The following DARS1 variants were observed in gnomAD, a reference collection of about 807,000 sequenced individuals.
DARS1 encodes aspartate--tRNA ligase, cytoplasmic.
A neutral mutation model predicts 68.8 loss-of-function variants in DARS1; 51 were observed. The observed-to-expected ratio is 0.74, with a 90% CI of 0.59 to 0.94. The LOEUF is 0.94. DARS1 is among the 40% of genes least tolerant of loss of function. The pLI is 0.00. For synonymous variants in DARS1, 203 were observed against 190.4 expected, an observed-to-expected ratio of 1.07 and a Z score of -0.55; for missense variants, 607 against 597.3, an observed-to-expected ratio of 1.02 and a Z score of -0.17.
chr2:135,927,742 A>C (rs1386346260), intron 7 of DARS1, among the ~76,000 whole-genome samples: 1 of 152,196 alleles, frequency 6.6e-6, no homozygotes, highest in African/African-American at 2.4e-5. Context: ...TTAATTTTAG[A>C]AAAGCAAAAC....
rs775542117 is a variant in DARS1 at position 135,911,363 on chromosome 2, A to G, written c.1342+19T>C. 2 of 882,892 alleles carry G rather than the reference A, an allele frequency of 2.3e-6. No homozygotes were observed. Among genetic ancestry groups the G allele is most frequent in the East Asian group, 2.4e-5 (1 of 41,670 alleles). 54.7% of individuals were successfully genotyped at this position (882,892 alleles called of 1,614,324 possible). On this transcript the variant is annotated intron_variant, in intron 14 of 15. Coordinates refer to ENST00000264161, the MANE Select transcript of DARS1 (RefSeq NM_001349.4). ...ATTTTCAGAATATACACTCCCCTAA[A>G]TTATTTTAAGTTGTTTACCAATTCC...
intron 3 of DARS1, among the ~76,000 whole-genome samples, chr2:135,977,933 G>A (rs181421170): frequency 6.6e-6 from 1 of 151,764 alleles, no homozygotes; most frequent in African/African-American, 2.4e-5. Context: ...ACCTGAGGTC[G>A]GGAGTTCAAG....
Position 135,907,307 on chromosome 2 carries a change from AGT to A in DARS1, c.*7_*8del. The A allele has an allele frequency of 6.5e-7, 1 of 1,549,386 alleles. No individual in the cohort carries two copies. Among genetic ancestry groups the A allele is most frequent in the Non-Finnish European group, 8.8e-7 (1 of 1,140,732 alleles). On this transcript the variant is annotated 3_prime_UTR_variant, in exon 16 of 16. Transcript: ENST00000264161. Reference sequence around the variant, plus strand: ...CATCCACACTGGAGTTAAGTGGCAAAGTGTGAATTTAAGGAGTGAGTCGTTTG... The same window carrying A: ...CATCCACACTGGAGTTAAGTGGCAAAGTGAATTTAAGGAGTGAGTCGTTTG...
At chr2:135,913,042 A>AT (rs1398423248) in intron 12 of DARS1, among the ~76,000 whole-genome samples, 1 of 142,874 alleles carries the variant, frequency 7.0e-6, no homozygotes, top group Non-Finnish European at 1.5e-5. Flanking sequence ...TTAAATATTC[A>AT]TTTTTTTCCT....
chr2:135,974,931 C>A (rs1252539026), intron 3 of DARS1, among the ~76,000 whole-genome samples: 1 of 151,960 alleles, frequency 6.6e-6, no homozygotes, highest in African/African-American at 2.4e-5. Context: ...TTTAATCTAA[C>A]CAATGACTGA....
chr2:135,940,199 T>C (rs201197603), intron 5 of DARS1, among the ~76,000 whole-genome samples: 4,371 of 151,758 alleles, frequency 0.029, 78 homozygotes, highest in East Asian at 0.06. Flanking sequence ...GGCAGAGACA[T>C]AACAAAAAAA....
At chr2:135,947,834 A>C (rs188391789) in intron 4 of DARS1, among the ~76,000 whole-genome samples, 10 of 152,064 alleles carry the variant, frequency 6.6e-5, no homozygotes, top group Admixed American at 5.2e-4. Context: ...AAAAAAAAAA[A>C]AACAAAAAAA....
chr2:135,932,852 A>G lies in DARS1; in HGVS notation c.505-10T>C, dbSNP rs1670815575. 3 of 1,191,052 alleles carry G rather than the reference A, an allele frequency of 2.5e-6. No individual in the cohort carries two copies. Among genetic ancestry groups the G allele is most frequent in the Admixed American group, 2.0e-5 (1 of 50,316 alleles). 73.8% of individuals were successfully genotyped at this position (1,191,052 alleles called of 1,614,324 possible). ...CAGTAGCTCTTCCTTCCTAAAAAAA[A>G]AAAAAAAGAAAAGAAAAAAATAAAT... On this transcript the variant is annotated splice_polypyrimidine_tract_variant and intron_variant, in intron 6 of 15. Transcript: ENST00000264161.
intron 3 of DARS1, among the ~76,000 whole-genome samples, chr2:135,967,853 G>A (rs530320705): frequency 1.3e-5 from 2 of 152,182 alleles, no homozygotes; most frequent in South Asian, 2.1e-4. Flanking sequence ...GCACACAAAC[G>A]ATCCCAAGTA....
At chr2:135,978,142 CAAAAAAA>C (rs59505882) in intron 3 of DARS1, among the ~76,000 whole-genome samples, 5 of 54,736 alleles carry the variant, frequency 9.1e-5, no homozygotes, top group South Asian at 1.3e-3. Context: ...GACTCTGTCT[CAAAAAAA>C]AAAAAAAAAA....
intron 4 of DARS1, among the ~76,000 whole-genome samples, chr2:135,955,673 CTT>C (rs75123258): frequency 0.012 from 729 of 61,078 alleles, no homozygotes; most frequent in East Asian, 0.11. Context: ...AAATAAAAAT[CTT>C]TTTTTTTTTT....
intron 3 of DARS1, among the ~76,000 whole-genome samples, chr2:135,972,618 A>C (rs892870058): frequency 1.3e-5 from 2 of 152,182 alleles, no homozygotes; most frequent in Non-Finnish European, 2.9e-5. Flanking sequence ...TAAAGGTAAC[A>C]ATCAACAAAG....
intron 3 of DARS1, among the ~76,000 whole-genome samples, chr2:135,962,116 A>T (rs1338530256): frequency 6.6e-6 from 1 of 151,138 alleles, no homozygotes; most frequent in African/African-American, 2.4e-5. Flanking sequence ...ATTTTTTTTT[A>T]CTCCAAATAA....
rs770508609 is a variant in DARS1, at chr2:135,916,293, C to T, written c.1039G>A (p.Glu347Lys). ...FKFLEPTLRL[E>K]YCEALAMLRE... ...AGCATAGCCAATGCTTCACAATATTCTAGTCTTAGAGTTGGCTCCAAAAAT... is the reference window on the plus strand; with the variant it reads ...AGCATAGCCAATGCTTCACAATATTTTAGTCTTAGAGTTGGCTCCAAAAAT... Residue 347 changes from glutamate (E) to lysine (K), a missense_variant, in exon 11 of 16, where the codon GAA becomes AAA. Transcript: ENST00000264161. 1 of 1,557,058 alleles carries T rather than the reference C, an allele frequency of 6.4e-7. No individual in the cohort carries two copies. The highest frequency in any genetic ancestry group is 8.9e-7 in the Non-Finnish European group (1 of 1,127,898).
At chr2:135,955,705 T>TTTTTTTTTA (rs1553446835) in intron 4 of DARS1, among the ~76,000 whole-genome samples, 1 of 123,446 alleles carries the variant, frequency 8.1e-6, no homozygotes, top group African/African-American at 3.3e-5. Flanking sequence ...TTTTTTTTTT[T>TTTTTTTTTA]AGACAGGGTC....
intron 5 of DARS1, among the ~76,000 whole-genome samples, chr2:135,940,504 G>A (rs910030584): frequency 5.3e-5 from 8 of 152,030 alleles, no homozygotes; most frequent in East Asian, 1.9e-4. Context: ...TAGATGAGAC[G>A]TATCTCAAAA....
chr2:135,907,044 C>T lies in DARS1; in HGVS notation c.*272G>A, dbSNP rs967142339. On this transcript the variant is annotated 3_prime_UTR_variant, in exon 16 of 16. Coordinates refer to ENST00000264161, the MANE Select transcript of DARS1 (RefSeq NM_001349.4). ...ACAGAATATGAATTTGTAACATAAC[C>T]ATATGAATTTCTCAAGTTATTTCCT... 8 of 222,438 alleles carry T rather than the reference C, an allele frequency of 3.6e-5. No individual in the cohort carries two copies. The South Asian group carries it at 7.8e-4, about 22-fold the overall frequency. 13.8% of individuals were successfully genotyped at this position (222,438 alleles called of 1,614,324 possible).
rs910066302 is a variant in DARS1 at position 135,985,559 on chromosome 2, G to A, written c.-91C>T. ...GGCTTCTCCCTCCCTCCCAGTCTCC[G>A]CCCTCCCGACCCTGGGGTCTCAGCA... On this transcript the variant is annotated 5_prime_UTR_variant, in exon 1 of 16. Transcript: ENST00000264161. 1.3e-6 allele frequency: 2 copies of A among 1,597,490 alleles called. No homozygotes were observed. The highest frequency in any genetic ancestry group is 1.7e-6 in the Non-Finnish European group (2 of 1,172,282).
chr2:135,938,421 G>C (rs1681518503), intron 5 of DARS1, among the ~76,000 whole-genome samples: 2 of 151,970 alleles, frequency 1.3e-5, no homozygotes, highest in Non-Finnish European at 2.9e-5. Context: ...TAGCTTCTTT[G>C]CGATGTATTC....
Sources: gnomAD v4.1 joint callset for allele counts (sites outside exome capture counted in the v4.1 genomes callset) on GRCh38, gnomAD v4.1.1 for gene constraint, MANE v1.5 for transcripts, NCBI Gene and HGNC (gene_info 2026-07-23, HGNC 2026-07-21) for gene names.